CCSER1: variants seen among roughly 807,000 people sequenced by gnomAD.
CCSER1 encodes the protein serine-rich coiled-coil domain-containing protein 1.
A neutral mutation model predicts 82.0 loss-of-function variants in CCSER1; 41 were observed. That is an observed-to-expected ratio of 0.50 (90% CI 0.39 to 0.65). CCSER1 has a LOEUF of 0.65. Ranked by LOEUF, CCSER1 falls within the 30% of genes least tolerant of loss-of-function variation. The probability of loss-of-function intolerance (pLI) is 0.00; values close to 1 mark genes in which losing one functional copy is unlikely to be tolerated. For missense variants in CCSER1, 1,119 were observed against 1,064.2 expected, an observed-to-expected ratio of 1.05 and a Z score of -0.72; for synonymous variants, 414 against 383.9, an observed-to-expected ratio of 1.08 and a Z score of -0.92.
chr4:91,019,444 TATTA>T (rs1006242102), intron 9 of CCSER1, among the ~76,000 whole-genome samples: 3 of 152,182 alleles, frequency 2.0e-5, no homozygotes, highest in African/African-American at 7.2e-5. Context: ...TTGAGTTTTT[TATTA>T]ATTTAATAAT....
chr4:90,967,182 T>C (rs1734646415), intron 9 of CCSER1, among the ~76,000 whole-genome samples: 1 of 152,024 alleles, frequency 6.6e-6, no homozygotes, highest in African/African-American at 2.4e-5. Context: ...GTGTGGTGGC[T>C]CATGCTTGTA....
At chr4:91,588,439 T>G (rs1764114304) in intron 10 of CCSER1, among the ~76,000 whole-genome samples, 1 of 151,648 alleles carries the variant, frequency 6.6e-6, no homozygotes, top group South Asian at 2.1e-4. Flanking sequence ...TATGCTTCTT[T>G]AAAAATTGGT....
At chr4:90,957,007 G>C (rs1733513959) in intron 9 of CCSER1, among the ~76,000 whole-genome samples, 1 of 138,524 alleles carries the variant, frequency 7.2e-6, no homozygotes, top group Non-Finnish European at 1.5e-5. Context: ...TTGAATTCCT[G>C]ACCTCAGCAA....
At chr4:90,180,369 G>A (rs1356437250) in intron 1 of CCSER1, among the ~76,000 whole-genome samples, 1 of 151,862 alleles carries the variant, frequency 6.6e-6, no homozygotes, top group Non-Finnish European at 1.5e-5. Context: ...TGCGTGGAGT[G>A]CTAGAGGTCA....
chr4:91,475,153 A>C (rs1016153122), intron 10 of CCSER1, among the ~76,000 whole-genome samples: 1 of 151,408 alleles, frequency 6.6e-6, no homozygotes, highest in Non-Finnish European at 1.5e-5. Context: ...TTTGTAAGTG[A>C]CTATGTTTTA....
At chr4:91,086,928 G>A (rs948810861) in intron 10 of CCSER1, among the ~76,000 whole-genome samples, 2 of 151,998 alleles carry the variant, frequency 1.3e-5, no homozygotes, top group Non-Finnish European at 2.9e-5. Flanking sequence ...ACATAAAGTT[G>A]GTTCACATTG....
chr4:90,352,456 G>A (rs1229755244), intron 3 of CCSER1, among the ~76,000 whole-genome samples: 1 of 152,096 alleles, frequency 6.6e-6, no homozygotes, highest in Non-Finnish European at 1.5e-5. Context: ...CTGAGGTCAG[G>A]AGTTCCAGAC....
chr4:90,516,906 T>TAG (rs904625637), intron 5 of CCSER1, among the ~76,000 whole-genome samples: 75 of 152,278 alleles, frequency 4.9e-4, no homozygotes, highest in African/African-American at 1.6e-3. Context: ...GCACACATTG[T>TAG]AGAGGCAATT....
chr4:90,877,435 T>G (rs1482391135), intron 8 of CCSER1, among the ~76,000 whole-genome samples: 1 of 152,072 alleles, frequency 6.6e-6, no homozygotes, highest in African/African-American at 2.4e-5. Context: ...GCATTTACAG[T>G]AGAGAAAGCT....
chr4:91,080,314 A>T (rs1722563221), intron 9 of CCSER1, among the ~76,000 whole-genome samples: 1 of 152,230 alleles, frequency 6.6e-6, no homozygotes, highest in African/African-American at 2.4e-5. Flanking sequence ...CTCCTGAATG[A>T]CTACTGGGTA....
At chr4:90,462,217 C>G (rs547077411) in intron 4 of CCSER1, among the ~76,000 whole-genome samples, 2 of 149,728 alleles carry the variant, frequency 1.3e-5, no homozygotes, top group East Asian at 3.9e-4. Flanking sequence ...ACCAGGAAAA[C>G]AGACCAGTAA....
At chr4:90,424,424 A>G (rs1350945109) in intron 4 of CCSER1, among the ~76,000 whole-genome samples, 1 of 152,186 alleles carries the variant, frequency 6.6e-6, no homozygotes. Flanking sequence ...AAGGTAAAAT[A>G]TGTATCATCC....
At chr4:91,266,774 T>TA (rs1272239812) in intron 10 of CCSER1, among the ~76,000 whole-genome samples, 1 of 152,228 alleles carries the variant, frequency 6.6e-6, no homozygotes, top group Non-Finnish European at 1.5e-5. Context: ...GGCTGATCCT[T>TA]ATCTTACCGG....
chr4:91,326,813 GCC>G (rs1746596890), intron 10 of CCSER1, among the ~76,000 whole-genome samples: 3 of 152,068 alleles, frequency 2.0e-5, no homozygotes, highest in Non-Finnish European at 4.4e-5. Flanking sequence ...AAAGGAATTG[GCC>G]AAAACCAAGG....
chr4:91,090,757 G>A (rs746920697), intron 10 of CCSER1, among the ~76,000 whole-genome samples: 2 of 152,154 alleles, frequency 1.3e-5, no homozygotes, highest in African/African-American at 4.8e-5. Flanking sequence ...GTTTTTCCTG[G>A]AATTTCAGGT....
rs1198461603 is a variant in CCSER1, at chr4:91,031,858, G to A, written c.2173-54092G>A. On this transcript the variant is annotated intron_variant, in intron 9 of 10. Coordinates refer to ENST00000509176, the MANE Select transcript of CCSER1 (RefSeq NM_001145065.2). Reference sequence around the variant, plus strand: ...AAATAAATGAATCATTAAAACATATGTCTGCTGTAAAAATTTATCTTTCAC... The same window carrying A: ...AAATAAATGAATCATTAAAACATATATCTGCTGTAAAAATTTATCTTTCAC... Among the ~76,000 whole-genome samples the A allele has an allele frequency of 2.0e-5, 3 of 152,108 alleles. No homozygotes were observed. In the East Asian group the frequency reaches 5.8e-4, roughly 29 times the overall value.
chr4:91,088,940 GT>G (rs201812241), intron 10 of CCSER1, among the ~76,000 whole-genome samples: 5 of 151,914 alleles, frequency 3.3e-5, no homozygotes, highest in African/African-American at 9.7e-5. Flanking sequence ...ATTTTAGGTA[GT>G]TTTTTTGTTT....
At chr4:91,204,431 A>T (rs1413115079) in intron 10 of CCSER1, among the ~76,000 whole-genome samples, 2 of 151,780 alleles carry the variant, frequency 1.3e-5, no homozygotes, top group Non-Finnish European at 2.9e-5. Context: ...CTGGAGTTTC[A>T]TTTTGATGTG....
rs115480739 is a variant in CCSER1 at position 91,448,625 on chromosome 4, G to A, written c.2218-149947G>A. Reference sequence around the variant, plus strand: ...TTCAGGGTCCTTGGAATAATTTGGCGTTTTACCATAATAAAATAAAGCTAA... The same window carrying A: ...TTCAGGGTCCTTGGAATAATTTGGCATTTTACCATAATAAAATAAAGCTAA... On this transcript the variant is annotated intron_variant, in intron 10 of 10. Coordinates refer to ENST00000509176, the MANE Select transcript of CCSER1 (RefSeq NM_001145065.2). 6.1e-3 allele frequency among the ~76,000 whole-genome samples: 925 copies of A among 151,874 alleles called. 6 individuals carry two copies. Among genetic ancestry groups the A allele is most frequent in the African/African-American group, 0.018 (745 of 41,452 alleles).
Sources: allele counts gnomAD v4.1 joint callset (sites outside exome capture counted in the v4.1 genomes callset), GRCh38; gene constraint gnomAD v4.1.1; transcripts MANE v1.5; gene names NCBI Gene and HGNC (gene_info 2026-07-23, HGNC 2026-07-21).